The following TMEM64 variants were observed in gnomAD, a reference collection of about 807,000 sequenced individuals.
The protein encoded by TMEM64 is transmembrane protein 64.
TMEM64 carries 19 observed loss-of-function variants against 24.5 expected under a neutral mutation model. The ratio of observed to expected loss-of-function variants is 0.78; its 90% CI spans 0.54 to 1.14. The LOEUF (loss-of-function observed/expected upper bound fraction) is 1.14. Ranked by LOEUF, TMEM64 falls within the 50% of genes most tolerant of loss-of-function variation. The pLI, the probability that TMEM64 is intolerant of heterozygous loss-of-function variation, is 0.00. For synonymous variants in TMEM64, 262 were observed against 224.7 expected (o/e 1.17, Z -1.49); for missense variants, 487 against 493.0 (o/e 0.99, Z 0.12).
Position 90,645,439 on chromosome 8 carries a change from G to A in TMEM64, c.467C>T (p.Ser156Leu), listed in dbSNP as rs1007519852. Reference protein sequence around the residue: ...HLLLWVESLDSLLGVLLFVVG... With the variant: ...HLLLWVESLDLLLGVLLFVVG... ...GACGAAGAGCAGGACCCCCAGCAGCGAGTCAAGGCTCTCCACCCACAGCAG... is the reference window on the plus strand; with the variant it reads ...GACGAAGAGCAGGACCCCCAGCAGCAAGTCAAGGCTCTCCACCCACAGCAG... The change falls in exon 1 of 3, where the codon TCG (serine) becomes TTG (leucine). Residue 156 changes from serine (S) to leucine (L), a missense_variant. Ser to Leu is a moderately radical substitution (Grantham distance 145, BLOSUM62 -2). Around this residue, in one of 3 missense-constraint regions of TMEM64, gnomAD observed 419 missense variants for 407.5 expected, o/e 1.03. Transcript: ENST00000458549. This position sits in a 1 kb window ranked among gnomAD's most constrained non-coding sequence, Gnocchi z 4.2. 1.9e-6 allele frequency: 3 copies of A among 1,551,600 alleles called. No homozygotes were observed. Among genetic ancestry groups the A allele is most frequent in the Non-Finnish European group, 2.6e-6 (3 of 1,147,030 alleles).
In TMEM64 at chr8:90,645,553, C is replaced by G; in HGVS notation, c.353G>C (p.Cys118Ser). ...GACCAGCACGAGGCTCCGGCACCAA[C>G]AGGTGCTGCCGAGGCAGCAGCAGCG... ...NWRCCCLGST[C>S]WCRSLVLVCV... The change falls in exon 1 of 3, where the codon TGT (cysteine) becomes TCT (serine). Residue 118 changes from cysteine (C) to serine (S), a missense_variant. Cys to Ser is a moderately radical substitution (Grantham distance 112). This residue lies in a region of TMEM64 where 419 missense variants were observed against 407.5 expected (regional missense o/e 1.03). Coordinates refer to ENST00000458549, the MANE Select transcript of TMEM64 (RefSeq NM_001008495.4). The surrounding 1 kb of genome is among the most constrained non-coding windows in gnomAD (Gnocchi z 4.2). 1.9e-6 allele frequency: 3 copies of G among 1,547,048 alleles called. No homozygotes were observed. Among genetic ancestry groups the G allele is most frequent in the Non-Finnish European group, 1.7e-6 (2 of 1,146,798 alleles).
At chr8:90,631,787 T>C (rs1809444043) in intron 1 of TMEM64, 80 bp from the exon 2 acceptor site, 6 of 1,213,346 alleles carry the variant, frequency 4.9e-6, no homozygotes, top group Non-Finnish European at 7.0e-6. Context: ...GTATTAAGTC[T>C]AACTAGTGGT....
rs376507157 is a variant in TMEM64 at position 90,625,787 on chromosome 8, A to G, written c.1027T>C (p.Cys343Arg). The G allele has an allele frequency of 1.2e-6, 2 of 1,613,892 alleles. No homozygotes were observed. The highest frequency in any genetic ancestry group is 2.7e-5 in the African/African-American group (2 of 74,934). ...AGAGAAGATTTCAGTTCCATTTCACAAGCTACAATAGCTGCATTCAATTCC... is the reference window on the plus strand; with the variant it reads ...AGAGAAGATTTCAGTTCCATTTCACGAGCTACAATAGCTGCATTCAATTCC... ...QVELNAAIVA[C>R]EMELKSSLVK... Residue 343 changes from cysteine to arginine, a missense_variant, in exon 3 of 3, where the codon TGT becomes CGT. By Grantham distance (180) the Cys-to-Arg change is radical (BLOSUM62 -3). Around this residue, in one of 3 missense-constraint regions of TMEM64, gnomAD observed 58 missense variants for 58.2 expected, o/e 1.00. Transcript: ENST00000458549.
intron 2 of TMEM64, among the ~76,000 whole-genome samples, chr8:90,627,245 G>C (rs892186134): frequency 6.6e-6 from 1 of 152,156 alleles, no homozygotes; most frequent in Non-Finnish European, 1.5e-5. Flanking sequence ...GTAAGTGTGA[G>C]AGGGGAGGAA....
intron 1 of TMEM64, among the ~76,000 whole-genome samples, chr8:90,640,049 A>G (rs1809581353): frequency 6.6e-6 from 1 of 152,226 alleles, no homozygotes; most frequent in Non-Finnish European, 1.5e-5. Flanking sequence ...ATAAAGGTCA[A>G]CTGCATTCAG....
rs1272304939 is a variant in TMEM64 at position 90,623,431 on chromosome 8, ATCAAG to A, written c.*2235_*2239del. 1 of 152,532 alleles carries A rather than the reference ATCAAG, an allele frequency of 6.6e-6. No homozygotes were observed. Among genetic ancestry groups the A allele is most frequent in the East Asian group, 1.9e-4 (1 of 5,198 alleles). The allele number at this position is 152,532 out of a possible 1,614,324, so 9.4% of individuals were successfully genotyped here. ...AAAAACCCAGCAACCAAATTTACCC[ATCAAG>A]TAGCAGGACTATAAGGGACTATTGT... On this transcript the variant is annotated 3_prime_UTR_variant, in exon 3 of 3. Coordinates refer to ENST00000458549, the MANE Select transcript of TMEM64 (RefSeq NM_001008495.4).
At chr8:90,638,552 T>C (rs912737047) in intron 1 of TMEM64, among the ~76,000 whole-genome samples, 1 of 152,208 alleles carries the variant, frequency 6.6e-6, no homozygotes. Flanking sequence ...CCCTCAGTCC[T>C]TTCCCAGACT....
chr8:90,645,537 G>T lies in TMEM64; in HGVS notation c.369C>A (p.Leu123=). ...CLGSTCWCRS[L]VLVCVLAALC... is the part of the protein sequence containing the mutation. ...GGGCGGCCAACACGCAGACCAGCACGAGGCTCCGGCACCAACAGGTGCTGC... is the reference window on the plus strand; with the variant it reads ...GGGCGGCCAACACGCAGACCAGCACTAGGCTCCGGCACCAACAGGTGCTGC... The change falls in exon 1 of 3, where the codon CTC becomes CTA. Residue 123 remains leucine (L), a synonymous_variant. Transcript: ENST00000458549. The surrounding 1 kb of genome is among the most constrained non-coding windows in gnomAD (Gnocchi z 4.2). 8 of 1,548,678 alleles carry T rather than the reference G, an allele frequency of 5.2e-6. No individual in the cohort carries two copies. Among genetic ancestry groups the T allele is most frequent in the Non-Finnish European group, 6.1e-6 (7 of 1,146,920 alleles).
At chr8:90,636,988 T>G (rs553247359) in intron 1 of TMEM64, among the ~76,000 whole-genome samples, 1 of 152,334 alleles carries the variant, frequency 6.6e-6, no homozygotes, top group African/African-American at 2.4e-5. Flanking sequence ...TATCCTCTTA[T>G]TCCCAGAGGT....
In TMEM64 at chr8:90,631,713, A is replaced by G. The variant is rs369322965; in HGVS notation, c.796-6T>C. On this transcript the variant is annotated splice_polypyrimidine_tract_variant and splice_region_variant and intron_variant, in intron 1 of 2. Coordinates refer to ENST00000458549, the MANE Select transcript of TMEM64 (RefSeq NM_001008495.4). ...GGTAATGAGAGATCAGTAATCTAGAAGAGTAGATTAAAGGGAATGATTCAT... is the reference window on the plus strand; with the variant it reads ...GGTAATGAGAGATCAGTAATCTAGAGGAGTAGATTAAAGGGAATGATTCAT... The G allele has an allele frequency of 3.7e-6, 6 of 1,607,242 alleles. No homozygotes were observed. Among genetic ancestry groups the G allele is most frequent in the Non-Finnish European group, 5.1e-6 (6 of 1,174,624 alleles).
At position 90,625,636 on chromosome 8, in the gene TMEM64, C is replaced by T. The variant is rs780439010; in HGVS notation, c.*35G>A. 5.1e-6 allele frequency: 8 copies of T among 1,577,918 alleles called. No homozygotes were observed. The highest frequency in any genetic ancestry group is 4.6e-5 in the South Asian group (4 of 87,568). ...AGTGACTGCTAGACCTTAGATAGCA[C>T]ACTAGGCTCTTGACAATCACGTATC... On this transcript the variant is annotated 3_prime_UTR_variant, in exon 3 of 3. Transcript: ENST00000458549.
rs912325745 is a variant in TMEM64, at chr8:90,624,548, C to T, written c.*1123G>A. The T allele has an allele frequency of 2.0e-5, 3 of 152,404 alleles. No individual in the cohort carries two copies. The highest frequency in any genetic ancestry group is 7.2e-5 in the African/African-American group (3 of 41,402). 9.4% of individuals were successfully genotyped at this position (152,404 alleles called of 1,614,324 possible). A position where few individuals can be genotyped will look rare whatever the true frequency, so the allele number is the denominator to read the frequency against. On this transcript the variant is annotated 3_prime_UTR_variant, in exon 3 of 3. Transcript: ENST00000458549. Reference sequence around the variant, plus strand: ...ACAAGAGAAAGAATTGAGACAATTTCACATTTCAGAATTCCTGAGTCTTAT... The same window carrying T: ...ACAAGAGAAAGAATTGAGACAATTTTACATTTCAGAATTCCTGAGTCTTAT...
intron 1 of TMEM64, among the ~76,000 whole-genome samples, chr8:90,644,031 A>G (rs1277482286): frequency 6.6e-6 from 1 of 152,224 alleles, no homozygotes; most frequent in East Asian, 1.9e-4. Context: ...ACTAACAATA[A>G]TTTACGTTTT....
chr8:90,642,861 T>C (rs1267179807), intron 1 of TMEM64, among the ~76,000 whole-genome samples: 1 of 152,216 alleles, frequency 6.6e-6, no homozygotes, highest in African/African-American at 2.4e-5. Flanking sequence ...TCCTGGATGG[T>C]TGAGCCTCTG....
Position 90,645,466 on chromosome 8 carries a change from A to T in TMEM64, c.440T>A (p.Leu147His). The change falls in exon 1 of 3, where the codon CTC becomes CAC. Residue 147 changes from leucine (L) to histidine (H), a missense_variant. Around this residue, in one of 3 missense-constraint regions of TMEM64, gnomAD observed 419 missense variants for 407.5 expected, o/e 1.03. Coordinates refer to ENST00000458549, the MANE Select transcript of TMEM64 (RefSeq NM_001008495.4). The surrounding 1 kb of genome is among the most constrained non-coding windows in gnomAD (Gnocchi z 4.2). ...GTCAAGGCTCTCCACCCACAGCAGG[A>T]GGTGGTGAAGGTAGCGGCGGACCAG... ...LALVRRYLHH[L>H]LLWVESLDSL... is the part of the protein sequence containing the mutation. 6.4e-7 allele frequency: 1 copy of T among 1,551,460 alleles called. No individual in the cohort carries two copies. Among genetic ancestry groups the T allele is most frequent in the Non-Finnish European group, 8.7e-7 (1 of 1,147,024 alleles).
At chr8:90,632,625 C>CT (rs1288013863) in intron 1 of TMEM64, among the ~76,000 whole-genome samples, 3 of 152,158 alleles carry the variant, frequency 2.0e-5, no homozygotes, top group Non-Finnish European at 4.4e-5. Flanking sequence ...CCAGGCCCTA[C>CT]TTTTTTGTAT....
Position 90,646,021 on chromosome 8 carries a change from G to A in TMEM64, c.-116C>T. On this transcript the variant is annotated 5_prime_UTR_variant, in exon 1 of 3. Transcript: ENST00000458549. ...CATCGACTCCCTGCGTCCGCTCAGA[G>A]GGTGGGAGACGGCCCGTAGAAGGGC... 1 of 449,860 alleles carries A rather than the reference G, an allele frequency of 2.2e-6. No individual in the cohort carries two copies. The highest frequency in any genetic ancestry group is 3.0e-6 in the Non-Finnish European group (1 of 330,146). The allele number at this position is 449,860 out of a possible 1,614,324, so 27.9% of individuals were successfully genotyped here. A position where few individuals can be genotyped will look rare whatever the true frequency, so the allele number is the denominator to read the frequency against.
At chr8:90,634,020 T>C (rs145782403) in intron 1 of TMEM64, among the ~76,000 whole-genome samples, 1,837 of 152,308 alleles carry the variant, frequency 0.012, 32 homozygotes, top group African/African-American at 0.041. Context: ...TTTTTTCCTC[T>C]TATTTTTCCA....
In TMEM64 at chr8:90,624,856, GTTTAT is replaced by G. The variant is rs1322018913; in HGVS notation, c.*810_*814del. 1 of 152,498 alleles carries G rather than the reference GTTTAT, an allele frequency of 6.6e-6. No individual in the cohort carries two copies. The highest frequency in any genetic ancestry group is 1.9e-4 in the East Asian group (1 of 5,198). 9.4% of individuals were successfully genotyped at this position (152,498 alleles called of 1,614,324 possible). ...AATTATTAATATAAAAAGGAAAAGAGTTTATTTTAACAAAATGTTTTAGTAAGATT... is the reference window on the plus strand; with the variant it reads ...AATTATTAATATAAAAAGGAAAAGAGTTTAACAAAATGTTTTAGTAAGATT... On this transcript the variant is annotated 3_prime_UTR_variant, in exon 3 of 3. Coordinates refer to ENST00000458549, the MANE Select transcript of TMEM64 (RefSeq NM_001008495.4).
Sources: gnomAD v4.1 joint callset for allele counts (sites outside exome capture counted in the v4.1 genomes callset) on GRCh38, gnomAD v4.1.1 for gene constraint, gnomAD v4.1.1 regional missense constraint, Gnocchi (gnomAD v3.1) non-coding constraint, MANE v1.5 for transcripts, NCBI Gene and HGNC (gene_info 2026-07-23, HGNC 2026-07-21) for gene names.